KIAA0319L: variants seen among roughly 807,000 people sequenced by gnomAD.
The protein encoded by KIAA0319L is dyslexia-associated protein KIAA0319-like protein.
Under a neutral mutation model 120.1 loss-of-function variants are expected in KIAA0319L, and 55 were observed. The ratio of observed to expected loss-of-function variants is 0.46; its 90% CI spans 0.37 to 0.57. The LOEUF (loss-of-function observed/expected upper bound fraction) is 0.57, where lower values mean the gene tolerates loss of function less well. Ranked by LOEUF, KIAA0319L falls within the 20% of genes least tolerant of loss-of-function variation. The pLI is 0.00. For synonymous variants in KIAA0319L, 398 were observed against 471.9 expected (o/e 0.84, Z 2.03); for missense variants, 1,049 against 1,255.3 (o/e 0.84, Z 2.48).
At chr1:35,505,057 GCCTAA>G (rs554777905) in intron 3 of KIAA0319L, among the ~76,000 whole-genome samples, 48 of 152,154 alleles carry the variant, frequency 3.2e-4, no homozygotes, top group African/African-American at 1.1e-3. Flanking sequence ...CTTTAAAGTG[GCCTAA>G]CCTGACACCT....
intron 3 of KIAA0319L, among the ~76,000 whole-genome samples, chr1:35,494,373 C>T (rs1012257853): frequency 2.0e-5 from 3 of 151,900 alleles, no homozygotes; most frequent in South Asian, 2.1e-4. Flanking sequence ...CACTTGAACC[C>T]GGGAGGCGGA....
intron 2 of KIAA0319L, among the ~76,000 whole-genome samples, chr1:35,512,219 G>C (rs1645475908): frequency 6.6e-6 from 1 of 151,528 alleles, no homozygotes; most frequent in Admixed American, 6.6e-5. Context: ...AGTGAGCCAA[G>C]AGCATGCCAC....
At position 35,467,046 on chromosome 1, in the gene KIAA0319L, C is replaced by G. The variant is rs370620935; in HGVS notation, c.1114-351G>C. Among the ~76,000 whole-genome samples the G allele has an allele frequency of 3.8e-4, 57 of 151,130 alleles. No homozygotes were observed. In the South Asian group the frequency reaches 6.1e-3, roughly 16 times the overall value. On this transcript the variant is annotated intron_variant, in intron 6 of 20. Coordinates refer to ENST00000325722, the MANE Select transcript of KIAA0319L (RefSeq NM_024874.5). ...GGTGGAGGTTACAGTGAGCCGAGATCATGTCACTGCACTCCAGCAAGAAAA... is the reference window on the plus strand; with the variant it reads ...GGTGGAGGTTACAGTGAGCCGAGATGATGTCACTGCACTCCAGCAAGAAAA...
chr1:35,465,850 T>A (rs1314195905), intron 7 of KIAA0319L, among the ~76,000 whole-genome samples: 1 of 151,206 alleles, frequency 6.6e-6, no homozygotes, highest in Non-Finnish European at 1.5e-5. Context: ...TTGATGGTTT[T>A]AAAAATGGGA....
intron 2 of KIAA0319L, among the ~76,000 whole-genome samples, chr1:35,511,608 T>C (rs1645448199): frequency 6.6e-6 from 1 of 152,134 alleles, no homozygotes. Flanking sequence ...TTAAAAAGAA[T>C]GGGTCATCAA....
intron 16 of KIAA0319L, among the ~76,000 whole-genome samples, chr1:35,445,845 C>T (rs1234816439): frequency 6.6e-6 from 1 of 152,170 alleles, no homozygotes; most frequent in Non-Finnish European, 1.5e-5. Context: ...CAGGGAAACC[C>T]AGAAGCTTCT....
intron 3 of KIAA0319L, among the ~76,000 whole-genome samples, chr1:35,480,062 G>A (rs1003421664): frequency 6.7e-6 from 1 of 148,668 alleles, no homozygotes; most frequent in Non-Finnish European, 1.5e-5. Context: ...TAAAGAAAAA[G>A]GCTTCCTGAA....
At chr1:35,461,653 A>C (rs1487144719) in intron 8 of KIAA0319L, among the ~76,000 whole-genome samples, 1 of 152,244 alleles carries the variant, frequency 6.6e-6, no homozygotes, top group East Asian at 1.9e-4. Flanking sequence ...GGAAAACCGG[A>C]CACTTAGGAC....
At chr1:35,504,879 T>C (rs1490877637) in intron 3 of KIAA0319L, among the ~76,000 whole-genome samples, 1 of 152,170 alleles carries the variant, frequency 6.6e-6, no homozygotes, top group African/African-American at 2.4e-5. Flanking sequence ...CACCACCAGC[T>C]CTCTTTCTCC....
At chr1:35,539,846 G>A (rs1039180840) in intron 2 of KIAA0319L, among the ~76,000 whole-genome samples, 1 of 152,194 alleles carries the variant, frequency 6.6e-6, no homozygotes, top group Non-Finnish European at 1.5e-5. Flanking sequence ...CAGGCAGGAT[G>A]GCAGTCCTCT....
chr1:35,474,300 T>A (rs1427673565), intron 5 of KIAA0319L, among the ~76,000 whole-genome samples: 2 of 152,202 alleles, frequency 1.3e-5, no homozygotes, highest in African/African-American at 4.8e-5. Context: ...AGTAAATGAC[T>A]TCTCTTAATT....
At chr1:35,515,178 G>A (rs557016385) in intron 2 of KIAA0319L, among the ~76,000 whole-genome samples, 1 of 152,140 alleles carries the variant, frequency 6.6e-6, no homozygotes, top group East Asian at 1.9e-4. Context: ...CGGGTGTGCT[G>A]GCACACACCT....
intron 3 of KIAA0319L, among the ~76,000 whole-genome samples, chr1:35,482,868 C>G (rs1341951523): frequency 6.6e-6 from 1 of 152,156 alleles, no homozygotes; most frequent in Non-Finnish European, 1.5e-5. Context: ...TAATATAGTA[C>G]CACCACCAGT....
intron 2 of KIAA0319L, among the ~76,000 whole-genome samples, chr1:35,537,221 T>C (rs1349061846): frequency 6.6e-6 from 1 of 152,222 alleles, no homozygotes; most frequent in Non-Finnish European, 1.5e-5. Context: ...GTAGATGGTA[T>C]TGTTAAGAAT....
In KIAA0319L at chr1:35,479,003, G is replaced by T; in HGVS notation, c.876C>A (p.Pro292=). 4.3e-6 allele frequency: 7 copies of T among 1,614,094 alleles called. No individual in the cohort carries two copies. Among genetic ancestry groups the T allele is most frequent in the Non-Finnish European group, 5.9e-6 (7 of 1,179,988 alleles). Residue 292 remains proline, a synonymous_variant, in exon 4 of 21, where the codon CCC becomes CCA. Coordinates refer to ENST00000325722, the MANE Select transcript of KIAA0319L (RefSeq NM_024874.5). ...APSYSYATPT[P]QASFQSTSAP... ...CTGAGGTGCTCTGGAAAGAGGCCTG[G>T]GGGGTAGGGGTAGCATAACTGTAGG...
chr1:35,439,765 C>T (rs1166453858), intron 20 of KIAA0319L: 3 of 152,142 alleles, frequency 2.0e-5, no homozygotes, highest in African/African-American at 7.2e-5. Flanking sequence ...CACTGCACTC[C>T]AGCCTGGGTG....
intron 2 of KIAA0319L, among the ~76,000 whole-genome samples, chr1:35,548,287 T>TG (rs1647060489): frequency 6.6e-6 from 1 of 152,142 alleles, no homozygotes; most frequent in African/African-American, 2.4e-5. Flanking sequence ...AACATGCTAA[T>TG]GGATACCCTA....
At chr1:35,475,390 G>A (rs760770980) in intron 4 of KIAA0319L, among the ~76,000 whole-genome samples, 12 of 152,086 alleles carry the variant, frequency 7.9e-5, no homozygotes, top group Non-Finnish European at 1.6e-4. Context: ...GTTTCTAGAA[G>A]GGAAGGCAAA....
chr1:35,449,668 G>A (rs1186999320), intron 15 of KIAA0319L, among the ~76,000 whole-genome samples, 199 bp downstream of exon 15: 2 of 152,170 alleles, frequency 1.3e-5, no homozygotes, highest in Non-Finnish European at 2.9e-5. Context: ...ATAGGGGGAG[G>A]TCTGTATTTC....
Sources: allele counts gnomAD v4.1 joint callset (sites outside exome capture counted in the v4.1 genomes callset), GRCh38; gene constraint gnomAD v4.1.1; transcripts MANE v1.5; gene names NCBI Gene and HGNC (gene_info 2026-07-23, HGNC 2026-07-21).